The following SLCO3A1 variants were observed in gnomAD, a reference collection of about 807,000 sequenced individuals.
SLCO3A1 encodes the protein solute carrier organic anion transporter family member 3A1, also known as PGE1 transporter.
A neutral mutation model predicts 63.1 loss-of-function variants in SLCO3A1; 27 were observed. The observed-to-expected ratio is 0.43, with a 90% confidence interval of 0.32 to 0.59. The LOEUF is 0.59. Ranked by LOEUF, SLCO3A1 falls within the 20% of genes least tolerant of loss-of-function variation. SLCO3A1 has a pLI of 0.09. For synonymous variants in SLCO3A1, 473 were observed against 409.9 expected, an observed-to-expected ratio of 1.15 and a Z score of -1.86; for missense variants, 773 against 945.8, an observed-to-expected ratio of 0.82 and a Z score of 2.40.
In SLCO3A1 at chr15:91,931,473, CTTT is replaced by C. The variant is rs36006689; in HGVS notation, c.646+15028_646+15030del. 6.3e-5 allele frequency among the ~76,000 whole-genome samples: 9 copies of C among 142,740 alleles called. No individual in the cohort carries two copies. The South Asian group carries it at 9.0e-4, about 14-fold the overall frequency. The allele number at this position is 142,740 out of a possible 152,430, so 93.6% of individuals were successfully genotyped here. A position where few individuals can be genotyped will look rare whatever the true frequency, so the allele number is the denominator to read the frequency against. ...CCCTGCTTCTTCTGCTGGGTTGTAT[CTTT>C]TTTTTTTTTTTTGAGACAGAGTCTC... On this transcript the variant is annotated intron_variant, in intron 2 of 9. Transcript: ENST00000318445.
At chr15:91,926,252 T>C (rs543625776) in intron 2 of SLCO3A1, among the ~76,000 whole-genome samples, 1 of 152,272 alleles carries the variant, frequency 6.6e-6, no homozygotes, top group Admixed American at 6.5e-5. Context: ...TCCACCTTTC[T>C]CCCTACCTAT....
At chr15:91,955,658 G>A (rs910137779) in intron 2 of SLCO3A1, among the ~76,000 whole-genome samples, 1 of 152,208 alleles carries the variant, frequency 6.6e-6, no homozygotes, top group African/African-American at 2.4e-5. Flanking sequence ...CTTTCCAGCT[G>A]TGGACCATGT....
At chr15:92,036,931 G>T (rs773344667) in intron 2 of SLCO3A1, among the ~76,000 whole-genome samples, 25 of 152,146 alleles carry the variant, frequency 1.6e-4, no homozygotes, top group Admixed American at 3.3e-4. Flanking sequence ...CCTGGTTCCA[G>T]GTTCTCCTGT....
chr15:91,931,788 A>AACACACACACACACACAC lies in SLCO3A1; in HGVS notation c.646+15342_646+15343insACACACACACACACACAC, dbSNP rs112525299. ...GCCCGGCTGGTGTCTTAAGTGTGGA[A>AACACACACACACACACAC]ACACACACACACGCACACACACACA... is the stretch of plus-strand genomic sequence containing the variant. On this transcript the variant is annotated intron_variant, in intron 2 of 9. Coordinates refer to ENST00000318445, the MANE Select transcript of SLCO3A1 (RefSeq NM_013272.4). Among the ~76,000 whole-genome samples the AACACACACACACACACAC allele has an allele frequency of 4.2e-3, 611 of 144,202 alleles. 13 individuals are homozygous for AACACACACACACACACAC. Among genetic ancestry groups the AACACACACACACACACAC allele is most frequent in the Admixed American group, 0.022 (316 of 14,586 alleles). The allele number at this position is 144,202 out of a possible 152,430, so 94.6% of individuals were successfully genotyped here. A position where few individuals can be genotyped will look rare whatever the true frequency, so the allele number is the denominator to read the frequency against.
chr15:91,926,596 T>TGTGTGTGTGTGTGTGC, intron 2 of SLCO3A1, among the ~76,000 whole-genome samples: 2,715 of 105,150 alleles, frequency 0.026, 54 homozygotes, highest in East Asian at 0.056. Flanking sequence ...TGTGTGTGTG[T>TGTGTGTGTGTGTGTGC]GCGCGCGCGC....
intron 2 of SLCO3A1, among the ~76,000 whole-genome samples, chr15:92,004,227 C>A (rs1346456945): frequency 1.3e-5 from 2 of 152,170 alleles, no homozygotes; most frequent in African/African-American, 4.8e-5. Context: ...GCTGACAGAC[C>A]TGGACAGGTT....
chr15:92,004,854 G>A (rs2046295968), intron 2 of SLCO3A1, among the ~76,000 whole-genome samples: 1 of 152,178 alleles, frequency 6.6e-6, no homozygotes, highest in Admixed American at 6.5e-5. Flanking sequence ...CTGCATTTGA[G>A]CTCCTACCTA....
chr15:92,080,956 G>A lies in SLCO3A1; in HGVS notation c.647-13925G>A, dbSNP rs868016333. On this transcript the variant is annotated intron_variant, in intron 2 of 9. Coordinates refer to ENST00000318445, the MANE Select transcript of SLCO3A1 (RefSeq NM_013272.4). ...ATAGTAGCTGTGTGTGTGTGTGTGT[G>A]TGTGTGTGTGTGTGTGTGTGTGTGT... 3.7e-3 allele frequency among the ~76,000 whole-genome samples: 549 copies of A among 149,524 alleles called. 9 individuals are homozygous for A. Among genetic ancestry groups the A allele is most frequent in the African/African-American group, 0.013 (518 of 41,080 alleles).
rs1296636754 is a variant in SLCO3A1 at position 92,128,442 on chromosome 15, G to A, written c.1465G>A (p.Asp489Asn). The A allele has an allele frequency of 6.2e-7, 1 of 1,614,114 alleles. No homozygotes were observed. The highest frequency in any genetic ancestry group is 8.5e-7 in the Non-Finnish European group (1 of 1,179,986). Residue 489 changes from aspartate to asparagine, a missense_variant, in exon 7 of 10, where the codon GAT (aspartate) becomes AAT (asparagine). Physicochemically the swap from Asp to Asn is conservative, Grantham distance 23. Around this residue, in one of 3 missense-constraint regions of SLCO3A1, gnomAD observed 565 missense variants for 749.8 expected, o/e 0.75. Transcript: ENST00000318445. The stretch of plus-strand genomic sequence containing the variant: ...TTCCTTCACTCCAGTGTGTGGGGCA[G>A]ATGGCATCACCTACCTGTCTGCCTG... ...TDSFTPVCGA[D>N]GITYLSACFA... is the part of the protein sequence containing the mutation.
At chr15:92,035,372 C>T (rs533088402) in intron 2 of SLCO3A1, among the ~76,000 whole-genome samples, 3 of 151,902 alleles carry the variant, frequency 2.0e-5, no homozygotes, top group South Asian at 2.1e-4. Context: ...AAATCCCTGT[C>T]GTATGGCCCA....
chr15:92,044,732 G>GC (rs1475827969), intron 2 of SLCO3A1, among the ~76,000 whole-genome samples: 1 of 152,156 alleles, frequency 6.6e-6, no homozygotes, highest in East Asian at 1.9e-4. Flanking sequence ...GCCAACTGTT[G>GC]CATCAAGTCC....
intron 4 of SLCO3A1, among the ~76,000 whole-genome samples, chr15:92,115,703 A>C (rs16974269): frequency 6.7e-6 from 1 of 150,340 alleles, no homozygotes; most frequent in Admixed American, 6.7e-5. Context: ...ATTTTATACA[A>C]CCTCATTCAG....
At chr15:92,098,711 A>G (rs1342872369) in intron 3 of SLCO3A1, among the ~76,000 whole-genome samples, 1 of 152,126 alleles carries the variant, frequency 6.6e-6, no homozygotes, top group Non-Finnish European at 1.5e-5. Context: ...GTGAGGCATT[A>G]TCATGCAGTG....
intron 2 of SLCO3A1, among the ~76,000 whole-genome samples, chr15:91,969,393 C>T (rs1189575662): frequency 6.6e-6 from 1 of 151,966 alleles, no homozygotes; most frequent in Non-Finnish European, 1.5e-5. Flanking sequence ...GCAACCTCCA[C>T]CTCCTAGGTT....
intron 2 of SLCO3A1, among the ~76,000 whole-genome samples, chr15:91,998,555 A>G (rs2046218078): frequency 1.3e-5 from 2 of 152,194 alleles, no homozygotes; most frequent in Admixed American, 6.5e-5. Flanking sequence ...AGCATCACTA[A>G]TTATCAGAAA....
chr15:91,972,675 A>G (rs534990461), intron 2 of SLCO3A1, among the ~76,000 whole-genome samples: 1 of 152,174 alleles, frequency 6.6e-6, no homozygotes, highest in African/African-American at 2.4e-5. Flanking sequence ...GATTTATTAG[A>G]AAGGGTGCTG....
At chr15:91,904,670 G>A (rs1898250730) in intron 1 of SLCO3A1, among the ~76,000 whole-genome samples, 1 of 152,100 alleles carries the variant, frequency 6.6e-6, no homozygotes, top group Admixed American at 6.5e-5. Flanking sequence ...GAGTTCTTAT[G>A]GTTCGTGGTT....
chr15:92,034,963 G>T (rs985783101), intron 2 of SLCO3A1, among the ~76,000 whole-genome samples: 1 of 151,844 alleles, frequency 6.6e-6, no homozygotes, highest in African/African-American at 2.4e-5. Flanking sequence ...GCACTGTAAG[G>T]TTACCACATT....
chr15:91,876,958 T>C (rs555222974), intron 1 of SLCO3A1, among the ~76,000 whole-genome samples: 1 of 152,378 alleles, frequency 6.6e-6, no homozygotes, highest in Admixed American at 6.5e-5. Context: ...TTTGGGGTTC[T>C]GCTGTTTGAC....
Sources: gnomAD v4.1 joint callset for allele counts (sites outside exome capture counted in the v4.1 genomes callset) on GRCh38, gnomAD v4.1.1 for gene constraint, gnomAD v4.1.1 regional missense constraint, MANE v1.5 for transcripts, NCBI Gene and HGNC (gene_info 2026-07-23, HGNC 2026-07-21) for gene names.